TENM3: variants seen among roughly 807,000 people sequenced by gnomAD.
TENM3 encodes the protein teneurin transmembrane protein 3, also known as teneurin-3.
TENM3 carries 63 observed loss-of-function variants against 255.1 expected under a neutral mutation model. The ratio of observed to expected loss-of-function variants is 0.25; its 90% CI spans 0.20 to 0.30. The LOEUF (loss-of-function observed/expected upper bound fraction) is 0.30, where lower values mean the gene tolerates loss of function less well. Among genes scored for constraint, TENM3 ranks in the 10% least tolerant of loss-of-function variants. The pLI is 1.00. For missense variants in TENM3, 2,929 were observed against 3,461.1 expected (o/e 0.85, Z 3.86); for synonymous variants, 1,306 against 1,322.3 (o/e 0.99, Z 0.27).
the TENM3 span, among the ~76,000 whole-genome samples, chr4:181,542,658 T>C: frequency 6.6e-6 from 1 of 152,184 alleles, no homozygotes; most frequent in African/African-American, 2.4e-5. Context: ...TTTCATTTCA[T>C]ATGAAAAAAT....
chr4:182,158,340 G>C (rs970664177), intron 1 of TENM3, among the ~76,000 whole-genome samples: 50 of 152,180 alleles, frequency 3.3e-4, no homozygotes, highest in African/African-American at 1.2e-3. Context: ...CTGCAGCCTG[G>C]GTTTGGCAGT....
At chr4:181,719,554 G>A in the TENM3 span, among the ~76,000 whole-genome samples, 3 of 152,120 alleles carry the variant, frequency 2.0e-5, no homozygotes, top group African/African-American at 7.2e-5. Context: ...GCGCAAAAGG[G>A]CTCCTTGCGG....
the TENM3 span, among the ~76,000 whole-genome samples, chr4:182,104,752 G>T: frequency 6.6e-6 from 1 of 151,986 alleles, no homozygotes; most frequent in Non-Finnish European, 1.5e-5. Context: ...GACCTCAGGT[G>T]ATCTGCCCAC....
intron 3 of TENM3, among the ~76,000 whole-genome samples, chr4:182,477,382 C>G (rs1344264104): frequency 6.6e-6 from 1 of 152,150 alleles, no homozygotes; most frequent in Admixed American, 6.5e-5. Flanking sequence ...TTCATTGAGA[C>G]CCTGCAAGAC....
At chr4:182,607,982 C>T (rs17258479) in intron 4 of TENM3, among the ~76,000 whole-genome samples, 29,661 of 152,108 alleles carry the variant, frequency 0.2, 3,541 homozygotes, top group Non-Finnish European at 0.27. Flanking sequence ...TCAGTGATTG[C>T]GATTAAGCCA....
chr4:181,704,216 C>T, the TENM3 span, among the ~76,000 whole-genome samples: 1 of 152,268 alleles, frequency 6.6e-6, no homozygotes, highest in East Asian at 1.9e-4. Context: ...CCCTCCCAGT[C>T]ACTCCTCCTA....
the TENM3 span, among the ~76,000 whole-genome samples, chr4:181,455,103 T>C: frequency 1.3e-5 from 2 of 152,066 alleles, no homozygotes; most frequent in African/African-American, 4.8e-5. Context: ...AGGTGCTAAA[T>C]AATATTTTAA....
At chr4:182,629,066 G>C (rs183758089) in intron 5 of TENM3, among the ~76,000 whole-genome samples, 177 bp downstream of exon 5, 19 of 152,206 alleles carry the variant, frequency 1.2e-4, no homozygotes, top group Non-Finnish European at 2.5e-4. Flanking sequence ...AGCAAATTTA[G>C]ATACATAGAA....
At chr4:181,770,540 T>A in the TENM3 span, among the ~76,000 whole-genome samples, 1 of 152,028 alleles carries the variant, frequency 6.6e-6, no homozygotes, top group African/African-American at 2.4e-5. Flanking sequence ...ATGGGCGTGG[T>A]GGCGGGTGCC....
At chr4:181,826,051 G>A in the TENM3 span, among the ~76,000 whole-genome samples, 2,455 of 152,200 alleles carry the variant, frequency 0.016, 84 homozygotes, top group African/African-American at 0.057. Flanking sequence ...TTAATAGAAC[G>A]TGAATCTTTT....
intron 22 of TENM3, among the ~76,000 whole-genome samples, chr4:182,771,059 G>T (rs570051534): frequency 7.2e-5 from 11 of 152,292 alleles, no homozygotes; most frequent in African/African-American, 2.6e-4. Flanking sequence ...AGAACCAAAG[G>T]CTAATAGGTG....
At chr4:182,777,804 C>T (rs1398866629) in intron 24 of TENM3, among the ~76,000 whole-genome samples, 5 of 148,744 alleles carry the variant, frequency 3.4e-5, no homozygotes, top group Non-Finnish European at 5.9e-5. Context: ...GTCATCTGCC[C>T]GCCTCGGCCT....
At chr4:182,126,500 T>C in the TENM3 span, among the ~76,000 whole-genome samples, 1 of 152,184 alleles carries the variant, frequency 6.6e-6, no homozygotes, top group African/African-American at 2.4e-5. Context: ...ATTTAGACAG[T>C]TGGATTCAGA....
chr4:181,504,803 T>C, the TENM3 span, among the ~76,000 whole-genome samples: 1 of 152,198 alleles, frequency 6.6e-6, no homozygotes, highest in East Asian at 1.9e-4. Context: ...CTGTCTCCTA[T>C]AGTTAAGAAA....
chr4:182,217,059 G>C (rs930411063), intron 1 of TENM3, among the ~76,000 whole-genome samples: 10 of 106,976 alleles, frequency 9.3e-5, no homozygotes, highest in Non-Finnish European at 1.2e-4. Context: ...GTCTCACTCT[G>C]TCCCAGGCTA....
chr4:182,263,140 T>C (rs1379532583), intron 1 of TENM3, among the ~76,000 whole-genome samples: 3 of 152,042 alleles, frequency 2.0e-5, no homozygotes, highest in Admixed American at 1.3e-4. Context: ...GAAGGGACTG[T>C]AGTGCAGAAA....
chr4:182,025,021 T>A, the TENM3 span, among the ~76,000 whole-genome samples: 1 of 1,710 alleles, frequency 5.8e-4, no homozygotes, highest in African/African-American at 8.7e-4. Context: ...CAGGATTTCA[T>A]TTTTTTTTTT....
At chr4:182,452,262 T>A (rs78715588) in intron 3 of TENM3, among the ~76,000 whole-genome samples, 5,049 of 151,844 alleles carry the variant, frequency 0.033, 131 homozygotes, top group South Asian at 0.12. Context: ...GATAGAATGG[T>A]TTGGTGAAGA....
At chr4:182,733,917 TA>T in intron 16 of TENM3, among the ~76,000 whole-genome samples, 1 of 152,288 alleles carries the variant, frequency 6.6e-6, no homozygotes. Context: ...ACTAGGACAT[TA>T]AAATGGGTTT....
Sources: allele counts gnomAD v4.1 joint callset (sites outside exome capture counted in the v4.1 genomes callset), GRCh38; gene constraint gnomAD v4.1.1; transcripts MANE v1.5; gene names NCBI Gene and HGNC (gene_info 2026-07-23, HGNC 2026-07-21).